GPC6: variants seen among roughly 807,000 people sequenced by gnomAD.
GPC6 encodes the protein glypican-6.
A neutral mutation model predicts 55.2 loss-of-function variants in GPC6; 14 were observed. The ratio of observed to expected loss-of-function variants is 0.25; its 90% CI spans 0.17 to 0.40. The LOEUF is 0.40. Ranked by LOEUF, GPC6 falls within the 10% of genes least tolerant of loss-of-function variation. The pLI, the probability that GPC6 is intolerant of heterozygous loss-of-function variation, is 1.00. For synonymous variants in GPC6, 278 were observed against 259.6 expected (o/e 1.07, Z -0.68); for missense variants, 641 against 708.5 (o/e 0.90, Z 1.08).
At chr13:93,419,713 T>TGCC (rs1849880812) in intron 1 of GPC6, among the ~76,000 whole-genome samples, 1 of 152,182 alleles carries the variant, frequency 6.6e-6, no homozygotes, top group Non-Finnish European at 1.5e-5. Flanking sequence ...TCTGCCTGTG[T>TGCC]GCCATTCCTT....
At chr13:93,747,741 G>A (rs1884447180) in intron 2 of GPC6, among the ~76,000 whole-genome samples, 2 of 152,152 alleles carry the variant, frequency 1.3e-5, no homozygotes, top group African/African-American at 4.8e-5. Context: ...CTCTAGGTAG[G>A]CTAGGCTAAG....
chr13:93,853,576 T>C (rs563839201), intron 3 of GPC6, among the ~76,000 whole-genome samples: 1 of 150,804 alleles, frequency 6.6e-6, no homozygotes, highest in African/African-American at 2.5e-5. Flanking sequence ...ATAAAAAAAA[T>C]ATGAATTTTA....
At chr13:94,107,675 G>A (rs1443522624) in intron 4 of GPC6, among the ~76,000 whole-genome samples, 1 of 150,092 alleles carries the variant, frequency 6.7e-6, no homozygotes, top group Admixed American at 6.6e-5. Context: ...AAATATGTTA[G>A]GTTTAAAATT....
chr13:94,316,909 G>T (rs1342631971), intron 6 of GPC6, among the ~76,000 whole-genome samples: 2 of 152,198 alleles, frequency 1.3e-5, no homozygotes, highest in Admixed American at 1.3e-4. Context: ...CAAACTGGCT[G>T]CAGCAAATCA....
chr13:93,975,360 T>C (rs1488577914), intron 3 of GPC6, among the ~76,000 whole-genome samples: 1 of 152,172 alleles, frequency 6.6e-6, no homozygotes, highest in Non-Finnish European at 1.5e-5. Flanking sequence ...TTAGAGATCA[T>C]AATAATTGAA....
intron 5 of GPC6, among the ~76,000 whole-genome samples, chr13:94,288,932 T>C (rs1649168985): frequency 8.9e-6 from 1 of 112,956 alleles, no homozygotes; most frequent in Non-Finnish European, 1.7e-5. Flanking sequence ...ATAACAAATA[T>C]AGATAGATAG....
Position 93,290,658 on chromosome 13 carries a change from C to T in GPC6, c.160+63042C>T, listed in dbSNP as rs1182064676. 2.0e-5 allele frequency among the ~76,000 whole-genome samples: 3 copies of T among 152,088 alleles called. No homozygotes were observed. The East Asian group carries it at 5.8e-4, about 29-fold the overall frequency. On this transcript the variant is annotated intron_variant, in intron 1 of 8. Coordinates refer to ENST00000377047, the MANE Select transcript of GPC6 (RefSeq NM_005708.5). ...ACTAAATGCATTTCACACCAGACTT[C>T]TGTGCATAAAGATATACTGCCCACT...
chr13:93,472,310 G>T (rs1879148254), intron 1 of GPC6, among the ~76,000 whole-genome samples: 2 of 152,172 alleles, frequency 1.3e-5, no homozygotes, highest in Non-Finnish European at 1.5e-5. Flanking sequence ...CATCCTCTTG[G>T]CCTAGCAGGC....
chr13:94,244,832 G>A (rs1282802439), intron 4 of GPC6, among the ~76,000 whole-genome samples: 5 of 151,932 alleles, frequency 3.3e-5, no homozygotes, highest in African/African-American at 1.2e-4. Context: ...AGTTAGTCAT[G>A]GAATTATTAG....
chr13:93,726,591 A>C (rs1735008929), intron 2 of GPC6, among the ~76,000 whole-genome samples: 1 of 151,958 alleles, frequency 6.6e-6, no homozygotes, highest in South Asian at 2.1e-4. Context: ...TAACATCTCC[A>C]CTTTTTTTCT....
chr13:94,267,002 T>C (rs1891838575), intron 4 of GPC6, among the ~76,000 whole-genome samples: 1 of 152,232 alleles, frequency 6.6e-6, no homozygotes, highest in South Asian at 2.1e-4. Flanking sequence ...ATGAGCATTA[T>C]ATTTTTTATA....
rs144368312 is a variant in GPC6 at position 93,828,295 on chromosome 13, CAGCAAGGCCA to C, written c.320-1855_320-1846del. ...TACGCCTTCCACCCTGTTCCTGTAT[CAGCAAGGCCA>C]AGCTACTTTCATTCTTGGTTTCCAG... is the stretch of plus-strand genomic sequence containing the variant. On this transcript the variant is annotated intron_variant, in intron 2 of 8. Coordinates refer to ENST00000377047, the MANE Select transcript of GPC6 (RefSeq NM_005708.5). 1.4e-4 allele frequency among the ~76,000 whole-genome samples: 22 copies of C among 152,190 alleles called. No individual in the cohort carries two copies. In the East Asian group the frequency reaches 4.1e-3, roughly 28 times the overall value.
intron 3 of GPC6, among the ~76,000 whole-genome samples, chr13:93,990,039 A>G (rs1369162860): frequency 2.6e-5 from 4 of 151,532 alleles, no homozygotes; most frequent in Non-Finnish European, 5.9e-5. Context: ...CACACATGAA[A>G]TGAATTTTTA....
At chr13:94,272,679 AG>A (rs1282984434) in intron 4 of GPC6, among the ~76,000 whole-genome samples, 2 of 151,882 alleles carry the variant, frequency 1.3e-5, no homozygotes, top group African/African-American at 4.8e-5. Flanking sequence ...CGTGTTAGCC[AG>A]GATGGTCTCA....
chr13:93,474,842 T>C (rs946914762), intron 1 of GPC6, among the ~76,000 whole-genome samples: 1 of 152,176 alleles, frequency 6.6e-6, no homozygotes, highest in Non-Finnish European at 1.5e-5. Context: ...GTAATTATAA[T>C]GCTATTGTTC....
At chr13:93,643,453 G>C (rs1286304946) in intron 2 of GPC6, among the ~76,000 whole-genome samples, 2 of 152,098 alleles carry the variant, frequency 1.3e-5, no homozygotes, top group African/African-American at 4.8e-5. Flanking sequence ...ATGACCCAAA[G>C]AAGTGGCCAA....
chr13:93,466,206 T>G (rs1328748588), intron 1 of GPC6, among the ~76,000 whole-genome samples: 1 of 146,024 alleles, frequency 6.8e-6, no homozygotes, highest in South Asian at 2.3e-4. Flanking sequence ...CCACAAACTT[T>G]CAAATTGTAA....
In GPC6 at chr13:94,268,019, T is replaced by C. The variant is rs572300290; in HGVS notation, c.878-18330T>C. Among the ~76,000 whole-genome samples the C allele has an allele frequency of 7.2e-4, 109 of 152,136 alleles. 2 individuals carry two copies. The South Asian group carries it at 0.022, about 31-fold the overall frequency. Reference sequence around the variant, plus strand: ...GCTAACAGTGGAGAGGCTAGTGGGGTTGCTAAACTGCAACTTCAAACCTAG... The same window carrying C: ...GCTAACAGTGGAGAGGCTAGTGGGGCTGCTAAACTGCAACTTCAAACCTAG... On this transcript the variant is annotated intron_variant, in intron 4 of 8. Coordinates refer to ENST00000377047, the MANE Select transcript of GPC6 (RefSeq NM_005708.5).
chr13:93,457,475 C>T (rs1878498294), intron 1 of GPC6, among the ~76,000 whole-genome samples: 1 of 152,128 alleles, frequency 6.6e-6, no homozygotes, highest in Non-Finnish European at 1.5e-5. Flanking sequence ...TCCAAAATTC[C>T]AGTGTCTTAG....
Sources: gnomAD v4.1 joint callset for allele counts (sites outside exome capture counted in the v4.1 genomes callset) on GRCh38, gnomAD v4.1.1 for gene constraint, MANE v1.5 for transcripts, NCBI Gene and HGNC (gene_info 2026-07-23, HGNC 2026-07-21) for gene names.